The following ARSG variants were observed in gnomAD, a reference collection of about 807,000 sequenced individuals.
ARSG encodes the protein arylsulfatase G, also known as ASG.
A neutral mutation model predicts 50.5 loss-of-function variants in ARSG; 37 were observed. The observed-to-expected ratio is 0.73, with a 90% CI of 0.56 to 0.96. The LOEUF (loss-of-function observed/expected upper bound fraction) is 0.96, where lower values mean the gene tolerates loss of function less well. ARSG is among the 50% of genes least tolerant of loss of function. The pLI is 0.00. For synonymous variants in ARSG, 225 were observed against 254.6 expected, an observed-to-expected ratio of 0.88 and a Z score of 1.11; for missense variants, 629 against 675.3, an observed-to-expected ratio of 0.93 and a Z score of 0.76.
intron 8 of ARSG, among the ~76,000 whole-genome samples, chr17:68,373,285 A>G (rs770887247): frequency 1.4e-4 from 21 of 150,218 alleles, no homozygotes; most frequent in African/African-American, 4.7e-4. Flanking sequence ...GCTGGAGTGC[A>G]ATGGCATGAT....
intron 11 of ARSG, among the ~76,000 whole-genome samples, chr17:68,413,143 G>A (rs1218250686): frequency 6.6e-6 from 1 of 152,116 alleles, no homozygotes; most frequent in African/African-American, 2.4e-5. Context: ...TCTCTGTCCA[G>A]CTTTGTTCCG....
the ARSG span, chr17:68,450,718 C>T: frequency 6.2e-7 from 1 of 1,602,042 alleles, no homozygotes; most frequent in South Asian, 1.1e-5. Flanking sequence ...TGAGGGATTT[C>T]CCCACTTACT....
At chr17:68,324,391 T>C (rs2077419498) in intron 2 of ARSG, among the ~76,000 whole-genome samples, 1 of 152,158 alleles carries the variant, frequency 6.6e-6, no homozygotes, top group Non-Finnish European at 1.5e-5. Flanking sequence ...AGCATGACTC[T>C]CAGGACCTTC....
intron 8 of ARSG, among the ~76,000 whole-genome samples, chr17:68,373,247 G>C (rs572981284): frequency 1.1e-4 from 14 of 123,216 alleles, no homozygotes; most frequent in Admixed American, 4.5e-4. Context: ...TTTTTTTTTT[G>C]AGATGGAGTT....
At chr17:68,295,040 G>A (rs2076157498) in intron 1 of ARSG, among the ~76,000 whole-genome samples, 1 of 152,170 alleles carries the variant, frequency 6.6e-6, no homozygotes. Flanking sequence ...CACGTGCAAG[G>A]GGCTTAGCAC....
chr17:68,395,773 C>T (rs1318426137), intron 10 of ARSG, among the ~76,000 whole-genome samples: 2 of 152,180 alleles, frequency 1.3e-5, no homozygotes, highest in African/African-American at 4.8e-5. Context: ...TTGTGAGCCT[C>T]ACCCTCTAGA....
the ARSG span, among the ~76,000 whole-genome samples, chr17:68,445,398 C>T: frequency 6.6e-6 from 1 of 152,148 alleles, no homozygotes; most frequent in African/African-American, 2.4e-5. Context: ...AGGTTTTACC[C>T]CTCTCTGAAT....
chr17:68,420,422 T>G lies in ARSG; in HGVS notation c.1537T>G (p.Cys513Gly). The change falls in exon 12 of 12, where the codon TGT becomes GGT. Residue 513 changes from cysteine to glycine, a missense_variant. Transcript: ENST00000621439. ...YTQDPSVTPC[C>G]NPYQIACRCQ... ...TCAGGACCCTTCAGTAACTCCCTGC[T>G]GTAATCCCTACCAAATTGCCTGCCG... The G allele has an allele frequency of 6.2e-7, 1 of 1,614,234 alleles. No homozygotes were observed. Among genetic ancestry groups the G allele is most frequent in the Non-Finnish European group, 8.5e-7 (1 of 1,180,030 alleles).
chr17:68,336,198 CTTCT>C (rs1448834140), intron 2 of ARSG, among the ~76,000 whole-genome samples: 2 of 151,544 alleles, frequency 1.3e-5, no homozygotes, highest in Non-Finnish European at 2.9e-5. Context: ...CGTGCCTGGT[CTTCT>C]TTCTTTTCTT....
chr17:68,389,744 G>A (rs1181469368), intron 9 of ARSG, among the ~76,000 whole-genome samples: 1 of 152,054 alleles, frequency 6.6e-6, no homozygotes, highest in Non-Finnish European at 1.5e-5. Flanking sequence ...CTCGCTTCCT[G>A]TCCTTAGATC....
the ARSG span, chr17:68,444,562 T>C: frequency 1.9e-6 from 3 of 1,614,098 alleles, no homozygotes; most frequent in Non-Finnish European, 2.5e-6. Context: ...TGAATATAAA[T>C]GGACTCTTCT....
the ARSG span, chr17:68,430,162 T>C: frequency 6.2e-7 from 1 of 1,611,168 alleles, no homozygotes; most frequent in Non-Finnish European, 8.5e-7. Context: ...TCTGGTCGAC[T>C]AGGGAGTAAT....
At chr17:68,260,463 C>A (rs2075055627) in intron 1 of ARSG, among the ~76,000 whole-genome samples, 1 of 152,038 alleles carries the variant, frequency 6.6e-6, no homozygotes, top group Admixed American at 6.6e-5. Context: ...TATACTTCTG[C>A]CTTAGTACCA....
At chr17:68,290,768 CG>C (rs2075959345), upstream of ARSG, among the ~76,000 whole-genome samples, 2 of 152,168 alleles carry the variant, frequency 1.3e-5, no homozygotes, top group Admixed American at 1.3e-4. Flanking sequence ...TCCGACGTCC[CG>C]GAGCCCCCAA....
chr17:68,450,587 C>G, the ARSG span: 8 of 1,159,002 alleles, frequency 6.9e-6, no homozygotes, highest in Non-Finnish European at 9.7e-6. Flanking sequence ...TACAATACCC[C>G]CGGGACACGG....
intron 2 of ARSG, among the ~76,000 whole-genome samples, chr17:68,333,631 AAATAATAATAAT>A (rs150655015): frequency 0.07 from 10,037 of 142,646 alleles, 550 homozygotes; most frequent in African/African-American, 0.14. Context: ...TCTGTCTCAA[AAATAATAATAAT>A]AATAATAATA....
At chr17:68,412,368 C>T (rs965599976) in intron 11 of ARSG, among the ~76,000 whole-genome samples, 2 of 151,966 alleles carry the variant, frequency 1.3e-5, no homozygotes, top group African/African-American at 2.4e-5. Flanking sequence ...TTTATTTCTC[C>T]TTCACTTATG....
At chr17:68,310,340 A>G (rs2076802146) in intron 2 of ARSG, among the ~76,000 whole-genome samples, 1 of 152,188 alleles carries the variant, frequency 6.6e-6, no homozygotes, top group African/African-American at 2.4e-5. Flanking sequence ...TGGCCTTTGA[A>G]GAGCAAAAGA....
At chr17:68,426,026 T>C, downstream of ARSG, 1 of 1,516,304 alleles carries the variant, frequency 6.6e-7, no homozygotes. Flanking sequence ...GAAGGTTTCC[T>C]TCTAAGCACA....
Sources: gnomAD v4.1 joint callset for allele counts (sites outside exome capture counted in the v4.1 genomes callset) on GRCh38, gnomAD v4.1.1 for gene constraint, MANE v1.5 for transcripts, NCBI Gene and HGNC (gene_info 2026-07-23, HGNC 2026-07-21) for gene names.